Variants in ELL observed in about 807,000 individuals in gnomAD.
The protein encoded by ELL is elongation factor for RNA polymerase II.
In ELL, 18 loss-of-function variants were observed where a neutral mutation model predicts 64.0. The observed-to-expected ratio is 0.28, with a 90% CI of 0.19 to 0.42. The LOEUF is 0.42. Ranked by LOEUF, ELL falls within the 10% of genes least tolerant of loss-of-function variation. ELL has a pLI of 1.00. For missense variants in ELL, 797 were observed against 870.4 expected (o/e 0.92, Z 1.06); for synonymous variants, 399 against 376.2 (o/e 1.06, Z -0.70).
intron 1 of ELL, among the ~76,000 whole-genome samples, chr19:18,504,669 G>A (rs1600497346): frequency 6.6e-6 from 1 of 152,172 alleles, no homozygotes. Flanking sequence ...CCTGAGGCTC[G>A]ACTTTAAATA....
chr19:18,517,298 C>T (rs1049760223), intron 1 of ELL, among the ~76,000 whole-genome samples: 4 of 152,176 alleles, frequency 2.6e-5, no homozygotes, highest in African/African-American at 9.7e-5. Context: ...CCCTCTGTTA[C>T]CCAGGCTGGA....
At position 18,501,401 on chromosome 19, in the gene ELL, TG is replaced by T. The variant is rs1209533773; in HGVS notation, c.135+20519del. Among the ~76,000 whole-genome samples, 9 of 152,230 alleles carry T rather than the reference TG, an allele frequency of 5.9e-5. 1 individual carries two copies. Among genetic ancestry groups the T allele is most frequent in the Admixed American group, 5.9e-4 (9 of 15,278 alleles). On this transcript the variant is annotated intron_variant, in intron 1 of 11. Coordinates refer to ENST00000262809, the MANE Select transcript of ELL (RefSeq NM_006532.4). The surrounding 1 kb of genome is among the most constrained non-coding windows in gnomAD (Gnocchi z 4.5). ...AGAGAACGTGGGAAAGGGCCTGGGA[TG>T]GGCCCACTGTTGGCGAGGAGGGGCC...
intron 1 of ELL, among the ~76,000 whole-genome samples, chr19:18,516,294 T>C (rs1976127303): frequency 6.6e-6 from 1 of 151,974 alleles, no homozygotes; most frequent in African/African-American, 2.4e-5. Flanking sequence ...AGCACCCCTC[T>C]ACCTCCACTC....
At chr19:18,521,572 C>A (rs1976277407) in intron 1 of ELL, among the ~76,000 whole-genome samples, 2 of 152,352 alleles carry the variant, frequency 1.3e-5, no homozygotes, top group Middle Eastern at 3.4e-3. Context: ...CGCCTCCTCG[C>A]CCCGCCGCCA....
chr19:18,482,308 CTT>C (rs530594631), intron 1 of ELL, among the ~76,000 whole-genome samples: 6 of 77,564 alleles, frequency 7.7e-5, no homozygotes, highest in African/African-American at 3.3e-4. Context: ...CTTTTCATTC[CTT>C]TTTTTTTTTT....
intron 1 of ELL, among the ~76,000 whole-genome samples, chr19:18,491,404 T>C (rs1375523087): frequency 2.6e-5 from 4 of 151,852 alleles, no homozygotes; most frequent in African/African-American, 7.3e-5. Context: ...TGAGTCACTC[T>C]GCCAGGCCAA....
intron 5 of ELL, among the ~76,000 whole-genome samples, 194 bp from the exon 6 acceptor site, chr19:18,458,523 T>A (rs1974732736): frequency 6.6e-6 from 1 of 151,970 alleles, no homozygotes; most frequent in African/African-American, 2.4e-5. Flanking sequence ...CACACAATCC[T>A]CAGGGTGCAG....
At chr19:18,517,625 C>T (rs1976156111) in intron 1 of ELL, among the ~76,000 whole-genome samples, 1 of 151,948 alleles carries the variant, frequency 6.6e-6, no homozygotes, top group Non-Finnish European at 1.5e-5. Flanking sequence ...CTTTGGGAGG[C>T]CGACACAGGA....
At chr19:18,521,857 G>T in intron 1 of ELL, 64 bp downstream of exon 1, 1 of 1,518,338 alleles carries the variant, frequency 6.6e-7, no homozygotes. Flanking sequence ...CTCAGTGAGG[G>T]GAGCGCGAGG....
intron 1 of ELL, among the ~76,000 whole-genome samples, chr19:18,519,550 T>C (rs146595783): frequency 1.6e-3 from 250 of 152,314 alleles, no homozygotes; most frequent in African/African-American, 5.8e-3. Flanking sequence ...CTCATGCCTG[T>C]AGTCCCAGCA....
rs141562739 is a variant in ELL at position 18,496,159 on chromosome 19, C to T, written c.136-23277G>A. Among the ~76,000 whole-genome samples the T allele has an allele frequency of 5.3e-5, 8 of 152,338 alleles. No individual in the cohort carries two copies. In the South Asian group the frequency reaches 6.2e-4, roughly 12 times the overall value. ...TGAGGCTCAGGTGAGGCCATGGCTGCGCCCCACAAAAGCACCTTTCAGTAC... is the reference window on the plus strand; with the variant it reads ...TGAGGCTCAGGTGAGGCCATGGCTGTGCCCCACAAAAGCACCTTTCAGTAC... On this transcript the variant is annotated intron_variant, in intron 1 of 11. Coordinates refer to ENST00000262809, the MANE Select transcript of ELL (RefSeq NM_006532.4).
intron 1 of ELL, among the ~76,000 whole-genome samples, chr19:18,475,477 C>A (rs148847035): frequency 9.4e-6 from 1 of 105,906 alleles, no homozygotes; most frequent in Admixed American, 7.9e-5. Flanking sequence ...TTAAACACAC[C>A]CAGCAATTCC....
chr19:18,490,862 C>T (rs943401208), intron 1 of ELL, among the ~76,000 whole-genome samples: 2 of 152,206 alleles, frequency 1.3e-5, no homozygotes, highest in Non-Finnish European at 2.9e-5. Context: ...CTGGTTCTAT[C>T]TCCACTGGCC....
chr19:18,449,695 C>T lies in ELL; in HGVS notation c.1465+782G>A, dbSNP rs755377170. ...GCCCTGGGCCAGCTGGCGCCGAGAG[C>T]GAAGTGGCCATCTGCAACTGGCCGC... On this transcript the variant is annotated intron_variant, in intron 8 of 11. Coordinates refer to ENST00000262809, the MANE Select transcript of ELL (RefSeq NM_006532.4). This position sits in a 1 kb window ranked among gnomAD's most constrained non-coding sequence, Gnocchi z 4.4. Among the ~76,000 whole-genome samples, 2 of 152,228 alleles carry T rather than the reference C, an allele frequency of 1.3e-5. No individual in the cohort carries two copies. Among genetic ancestry groups the T allele is most frequent in the Non-Finnish European group, 2.9e-5 (2 of 68,046 alleles).
rs1462017282 is a variant in ELL at position 18,458,267 on chromosome 19, C to T, written c.807G>A (p.Val269=). ...CCGAGTAGCCAGGCCAGTCCTTCTG[C>T]ACATCCTTGTACATGCAGTCCTGCA... ...CTLQDCMYKD[V]QKDWPGYSEG... is the part of the protein sequence containing the mutation. Residue 269 remains valine, a synonymous_variant, in exon 6 of 12, where the codon GTG becomes GTA. Transcript: ENST00000262809. The T allele has an allele frequency of 1.9e-6, 3 of 1,613,282 alleles. No individual in the cohort carries two copies. The highest frequency in any genetic ancestry group is 1.7e-5 in the Admixed American group (1 of 60,028).
At chr19:18,493,920 G>T (rs1255508261) in intron 1 of ELL, among the ~76,000 whole-genome samples, 2 of 152,184 alleles carry the variant, frequency 1.3e-5, no homozygotes, top group Non-Finnish European at 2.9e-5. Flanking sequence ...ACCTACGAGG[G>T]CACAGTAAAG....
intron 1 of ELL, among the ~76,000 whole-genome samples, chr19:18,517,949 G>A (rs556611608): frequency 2.1e-4 from 31 of 150,880 alleles, no homozygotes; most frequent in Non-Finnish European, 3.7e-4. Context: ...GGCCAGGCAC[G>A]AAGGCTCACT....
rs1568396493 is a variant in ELL, at chr19:18,501,839, G to T, written c.135+20082C>A. 6.6e-6 allele frequency among the ~76,000 whole-genome samples: 1 copy of T among 152,222 alleles called. No homozygotes were observed. Among genetic ancestry groups the T allele is most frequent in the Non-Finnish European group, 1.5e-5 (1 of 68,034 alleles). ...AACCTCCAGCTACGTGTCTGCGGGT[G>T]GGCAGGAAGGAGGGGAGGCAGCATG... On this transcript the variant is annotated intron_variant, in intron 1 of 11. Transcript: ENST00000262809. The surrounding 1 kb of genome is among the most constrained non-coding windows in gnomAD (Gnocchi z 4.5).
Position 18,442,778 on chromosome 19 carries a change from T to A in ELL, c.*1974A>T, listed in dbSNP as rs930095831. ...TCAGGAAACTGAAGACGCAGATAGA[T>A]GCCTTTCAATTGTAACATTTTGGCA... On this transcript the variant is annotated 3_prime_UTR_variant, in exon 12 of 12. Coordinates refer to ENST00000262809, the MANE Select transcript of ELL (RefSeq NM_006532.4). 2 of 208,262 alleles carry A rather than the reference T, an allele frequency of 9.6e-6. No homozygotes were observed. The highest frequency in any genetic ancestry group is 2.3e-5 in the African/African-American group (1 of 43,712). The allele number at this position is 208,262 out of a possible 1,614,324, so 12.9% of individuals were successfully genotyped here.
Sources: allele counts gnomAD v4.1 joint callset (sites outside exome capture counted in the v4.1 genomes callset), GRCh38; gene constraint gnomAD v4.1.1; non-coding constraint Gnocchi (gnomAD v3.1); transcripts MANE v1.5; gene names NCBI Gene and HGNC (gene_info 2026-07-23, HGNC 2026-07-21).